ABAT: variants seen among roughly 807,000 people sequenced by gnomAD.
ABAT encodes the protein 4-aminobutyrate aminotransferase, mitochondrial.
Under a neutral mutation model 64.6 loss-of-function variants are expected in ABAT, and 45 were observed. The ratio of observed to expected loss-of-function variants is 0.70; its 90% CI spans 0.55 to 0.89. The LOEUF (loss-of-function observed/expected upper bound fraction) is 0.89, where lower values mean the gene tolerates loss of function less well. Among genes scored for constraint, ABAT ranks in the 40% least tolerant of loss-of-function variants. The probability of loss-of-function intolerance (pLI) is 0.00; values close to 1 mark genes in which losing one functional copy is unlikely to be tolerated. For synonymous variants in ABAT, 297 were observed against 250.5 expected (o/e 1.19, Z -1.75); for missense variants, 633 against 658.4 (o/e 0.96, Z 0.42).
At position 8,766,244 on chromosome 16, in the gene ABAT, G is replaced by C; in HGVS notation, c.577G>C (p.Glu193Gln). ...AGGGCAGAGGGGCTTCTCCCAGGAG[G>C]AGCTGGAGACGTGCATGATTAACCA... ...ERGQRGFSQE[E>Q]LETCMINQAP... Residue 193 changes from glutamate (E) to glutamine (Q), a missense_variant, in exon 9 of 16, where the codon GAG (glutamate) becomes CAG (glutamine). Transcript: ENST00000268251. The C allele has an allele frequency of 6.2e-7, 1 of 1,614,126 alleles. No individual in the cohort carries two copies. Among genetic ancestry groups the C allele is most frequent in the Non-Finnish European group, 8.5e-7 (1 of 1,179,976 alleles).
chr16:8,719,326 T>C (rs2058299610), intron 1 of ABAT, among the ~76,000 whole-genome samples: 1 of 152,208 alleles, frequency 6.6e-6, no homozygotes, highest in Non-Finnish European at 1.5e-5. Context: ...CCTTGTAGGA[T>C]CAGAAATCCA....
intron 2 of ABAT, among the ~76,000 whole-genome samples, chr16:8,744,819 G>C (rs1490039444): frequency 6.6e-6 from 1 of 151,954 alleles, no homozygotes. Flanking sequence ...AGTGAGCCCA[G>C]ATCGTGTCTC....
intron 1 of ABAT, among the ~76,000 whole-genome samples, chr16:8,719,575 C>A (rs541001737): frequency 5.3e-5 from 8 of 152,240 alleles, no homozygotes; most frequent in Non-Finnish European, 8.8e-5. Context: ...GAGGATGAGG[C>A]AGATCAGCTT....
At chr16:8,680,083 G>C (rs945795110) in intron 1 of ABAT, among the ~76,000 whole-genome samples, 3 of 151,710 alleles carry the variant, frequency 2.0e-5, no homozygotes, top group Non-Finnish European at 4.4e-5. Context: ...AGTCTTCCCC[G>C]ACCCTCCCCC....
rs919088508 is a variant in ABAT, at chr16:8,770,359, G to A, written c.816+1386G>A. Among the ~76,000 whole-genome samples the A allele has an allele frequency of 3.9e-5, 6 of 152,162 alleles. No homozygotes were observed. The East Asian group carries it at 5.8e-4, about 15-fold the overall frequency. On this transcript the variant is annotated intron_variant, in intron 11 of 15. Coordinates refer to ENST00000268251, the MANE Select transcript of ABAT (RefSeq NM_020686.6). The stretch of plus-strand genomic sequence containing the variant: ...TCACCGTGTTAGCCAGGATGGTCTC[G>A]ATCTCCTGACCTTGTGATCCGCCCG...
chr16:8,763,554 T>A (rs1046741917), intron 6 of ABAT, among the ~76,000 whole-genome samples: 1 of 152,218 alleles, frequency 6.6e-6, no homozygotes, highest in African/African-American at 2.4e-5. Flanking sequence ...ACACTCTTTC[T>A]CTACTCCAAA....
At chr16:8,750,693 A>T (rs1451850870) in intron 5 of ABAT, among the ~76,000 whole-genome samples, 154 bp downstream of exon 5, 1 of 152,190 alleles carries the variant, frequency 6.6e-6, no homozygotes, top group East Asian at 1.9e-4. Flanking sequence ...AATAATGTGT[A>T]AAGGGTATAT....
intron 6 of ABAT, 47 bp downstream of exon 6, chr16:8,757,853 C>A: frequency 1.3e-6 from 2 of 1,581,916 alleles, no homozygotes; most frequent in Non-Finnish European, 8.7e-7. Flanking sequence ...TGTTCATGGC[C>A]ATTCACAGAA....
intron 1 of ABAT, among the ~76,000 whole-genome samples, chr16:8,687,651 C>T (rs910075178): frequency 6.6e-6 from 1 of 152,194 alleles, no homozygotes; most frequent in Non-Finnish European, 1.5e-5. Context: ...TCAGGTCCCA[C>T]GCGGTGCATC....
At chr16:8,738,933 C>G (rs1420103243) in intron 2 of ABAT, among the ~76,000 whole-genome samples, 1 of 152,232 alleles carries the variant, frequency 6.6e-6, no homozygotes, top group Non-Finnish European at 1.5e-5. Flanking sequence ...GCATGAGCCA[C>G]TGCACCTGGC....
intron 5 of ABAT, among the ~76,000 whole-genome samples, chr16:8,754,709 TCTTTCTTTCTTTC>T (rs1567305365): frequency 2.3e-4 from 21 of 92,026 alleles, no homozygotes; most frequent in African/African-American, 6.8e-4. Context: ...TTTCTTTCTT[TCTTTCTTTCTTTC>T]TTTTTTTTTT....
rs367740820 is a variant in ABAT, at chr16:8,764,066, C to T, written c.367-3C>T. The stretch of plus-strand genomic sequence containing the variant: ...TCACCATTTGTCTCTTGCCCTTTTG[C>T]AGAGCATGTTTGTCAACAGACCCGC... On this transcript the variant is annotated splice_region_variant and splice_polypyrimidine_tract_variant and intron_variant, in intron 6 of 15. Transcript: ENST00000268251. The surrounding 1 kb of genome is among the most constrained non-coding windows in gnomAD (Gnocchi z 4.2). The T allele has an allele frequency of 9.3e-6, 15 of 1,613,654 alleles. No homozygotes were observed. In the African/African-American group the frequency reaches 2.0e-4, roughly 22 times the overall value.
Position 8,692,344 on chromosome 16 carries a change from C to T in ABAT, c.-42+17633C>T, listed in dbSNP as rs139325300. Among the ~76,000 whole-genome samples, 11 of 152,216 alleles carry T rather than the reference C, an allele frequency of 7.2e-5. No individual in the cohort carries two copies. The East Asian group carries it at 2.1e-3, about 29-fold the overall frequency. ...TGAGCTGTGATCACACCACTGCCCT[C>T]CAGCTTGGGCGACAAAGCAAGACCC... On this transcript the variant is annotated intron_variant, in intron 1 of 15. Coordinates refer to ENST00000268251, the MANE Select transcript of ABAT (RefSeq NM_020686.6).
chr16:8,742,805 G>T (rs2059200521), intron 2 of ABAT, among the ~76,000 whole-genome samples: 1 of 147,998 alleles, frequency 6.8e-6, no homozygotes, highest in Non-Finnish European at 1.5e-5. Context: ...TGCAGAGGTT[G>T]CAATGAGCTG....
chr16:8,768,200 G>T lies in ABAT; in HGVS notation c.611G>T (p.Gly204Val). 6.2e-7 allele frequency: 1 copy of T among 1,614,050 alleles called. No individual in the cohort carries two copies. Among genetic ancestry groups the T allele is most frequent in the Non-Finnish European group, 8.5e-7 (1 of 1,180,020 alleles). The change falls in exon 10 of 16, where the codon GGC (glycine) becomes GTC (valine). Residue 204 changes from glycine (G) to valine (V), a missense_variant. Coordinates refer to ENST00000268251, the MANE Select transcript of ABAT (RefSeq NM_020686.6). ...LETCMINQAP[G>V]CPDYSILSFM... ...GATATTTCTTGGTTTTAGGCCCCTG[G>T]CTGCCCCGACTACAGCATCCTCTCC...
At chr16:8,704,609 G>A (rs2057898509) in intron 1 of ABAT, among the ~76,000 whole-genome samples, 1 of 152,166 alleles carries the variant, frequency 6.6e-6, no homozygotes, top group Non-Finnish European at 1.5e-5. Flanking sequence ...TTGCTTTATT[G>A]TGTAGCAGTT....
At chr16:8,743,974 G>T (rs1334361267) in intron 2 of ABAT, among the ~76,000 whole-genome samples, 1 of 152,068 alleles carries the variant, frequency 6.6e-6, no homozygotes, top group East Asian at 1.9e-4. Flanking sequence ...TTCACTCAGG[G>T]ATCAGCAAGG....
At chr16:8,771,222 G>A (rs1227761905) in intron 11 of ABAT, among the ~76,000 whole-genome samples, 1 of 151,776 alleles carries the variant, frequency 6.6e-6, no homozygotes, top group African/African-American at 2.4e-5. Flanking sequence ...TTGAACCCGG[G>A]AGGTGGTGGT....
chr16:8,750,393 A>T lies in ABAT; in HGVS notation c.199-29A>T, dbSNP rs765549686. The T allele has an allele frequency of 7.6e-6, 12 of 1,579,294 alleles. No individual in the cohort carries two copies. In the Admixed American group the frequency reaches 2.0e-4, roughly 26 times the overall value. ...CCCAAGAATCTAGGGAGTGGCAGTG[A>T]GCCTGAGTTGGTCTTTTCTTTCTCC... On this transcript the variant is annotated intron_variant, in intron 4 of 15. Transcript: ENST00000268251.
Sources: gnomAD v4.1 joint callset for allele counts (sites outside exome capture counted in the v4.1 genomes callset) on GRCh38, gnomAD v4.1.1 for gene constraint, Gnocchi (gnomAD v3.1) non-coding constraint, MANE v1.5 for transcripts, NCBI Gene and HGNC (gene_info 2026-07-23, HGNC 2026-07-21) for gene names.